Variants in THOC1 observed in about 807,000 individuals in gnomAD.
THOC1 encodes the protein THO complex subunit 1.
THOC1 carries 29 observed loss-of-function variants against 97.3 expected under a neutral mutation model. That is an observed-to-expected ratio of 0.30 (90% CI 0.22 to 0.41). The LOEUF is 0.41. Ranked by LOEUF, THOC1 falls within the 10% of genes least tolerant of loss-of-function variation. THOC1 has a pLI of 1.00. For missense variants in THOC1, 529 were observed against 761.9 expected (o/e 0.69, Z 3.60); for synonymous variants, 255 against 257.0 (o/e 0.99, Z 0.07).
chr18:260,041 AG>A (rs11355710), intron 5 of THOC1, 144 bp downstream of exon 5: 22,333 of 565,826 alleles, frequency 0.039, 2,598 homozygotes, highest in East Asian at 0.38. Flanking sequence ...GGCTCTCCCG[AG>A]AGAGCAGTAT....
intron 9 of THOC1, among the ~76,000 whole-genome samples, chr18:251,122 G>A (rs962794243): frequency 6.6e-6 from 1 of 152,040 alleles, no homozygotes; most frequent in African/African-American, 2.4e-5. Flanking sequence ...TCTGATCATC[G>A]TCTTATTTAA....
intron 9 of THOC1, among the ~76,000 whole-genome samples, chr18:249,636 T>A (rs1361100000): frequency 6.8e-6 from 1 of 147,664 alleles, no homozygotes; most frequent in African/African-American, 2.5e-5. Context: ...CACTCCAGCC[T>A]GGGTGACAGA....
chr18:232,289 G>A (rs1911511159), intron 11 of THOC1, among the ~76,000 whole-genome samples: 1 of 151,876 alleles, frequency 6.6e-6, no homozygotes, highest in Admixed American at 6.6e-5. Flanking sequence ...TAGAGATGGG[G>A]GTATCACTTT....
intron 7 of THOC1, among the ~76,000 whole-genome samples, chr18:255,629 T>C (rs1912414016): frequency 6.6e-6 from 1 of 152,186 alleles, no homozygotes; most frequent in South Asian, 2.1e-4. Flanking sequence ...AATGGAGAAG[T>C]TGCAGTAAGT....
intron 11 of THOC1, among the ~76,000 whole-genome samples, chr18:229,948 ACT>A (rs1311587278): frequency 1.3e-5 from 2 of 151,860 alleles, no homozygotes; most frequent in African/African-American, 4.8e-5. Context: ...CATTTCATAC[ACT>A]CTACAGTTTG....
chr18:233,090 C>T (rs775937353), intron 11 of THOC1, among the ~76,000 whole-genome samples: 8 of 152,166 alleles, frequency 5.3e-5, no homozygotes, highest in East Asian at 1.9e-4. Context: ...TTTTCCCTCA[C>T]AATTTGTGCT....
intron 4 of THOC1, 50 bp from the exon 5 acceptor site, chr18:260,354 G>A (rs1049351571): frequency 4.4e-6 from 5 of 1,143,706 alleles, no homozygotes; most frequent in South Asian, 3.5e-5. Context: ...CTGTAGAGTA[G>A]AATAGCCTAT....
chr18:265,485 A>G lies in THOC1; in HGVS notation c.100T>C (p.Leu34=). The G allele has an allele frequency of 6.3e-7, 1 of 1,597,890 alleles. No individual in the cohort carries two copies. The highest frequency in any genetic ancestry group is 1.7e-4 in the Middle Eastern group (1 of 5,964). ...CCAGGTACCTGGCTGAAGGTACTTAACAATGGCTTGATGTTTTTGTTGTTC... is the reference window on the plus strand; with the variant it reads ...CCAGGTACCTGGCTGAAGGTACTTAGCAATGGCTTGATGTTTTTGTTGTTC... The part of the protein sequence containing the change: ...ALNNKNIKPL[L]STFSQVPGSE... The change falls in exon 2 of 21, where the codon TTA becomes CTA. Residue 34 remains leucine (L), a synonymous_variant. Coordinates refer to ENST00000261600, the MANE Select transcript of THOC1 (RefSeq NM_005131.3).
At chr18:262,640 A>G (rs905357095) in intron 4 of THOC1, among the ~76,000 whole-genome samples, 1 of 152,228 alleles carries the variant, frequency 6.6e-6, no homozygotes, top group Non-Finnish European at 1.5e-5. Flanking sequence ...AAGGAATATT[A>G]CATTGTGGGA....
At chr18:248,639 C>T (rs546855649) in intron 9 of THOC1, among the ~76,000 whole-genome samples, 28 of 152,250 alleles carry the variant, frequency 1.8e-4, no homozygotes, top group African/African-American at 6.0e-4. Flanking sequence ...TGGTACATAT[C>T]AAGTTAGCAT....
chr18:267,819 C>G (rs758025430), intron 1 of THOC1, 147 bp downstream of exon 1: 38 of 839,874 alleles, frequency 4.5e-5, no homozygotes, highest in Non-Finnish European at 6.3e-5. Flanking sequence ...TTCCCTACCC[C>G]TCAACCTCCG....
intron 11 of THOC1, among the ~76,000 whole-genome samples, chr18:240,924 C>A (rs1911875174): frequency 6.6e-6 from 1 of 152,274 alleles, no homozygotes; most frequent in South Asian, 2.1e-4. Flanking sequence ...GCATTAGATT[C>A]TCATAAGGAG....
At chr18:247,378 T>C (rs537355819) in intron 10 of THOC1, among the ~76,000 whole-genome samples, 2 of 152,318 alleles carry the variant, frequency 1.3e-5, no homozygotes, top group East Asian at 3.9e-4. Flanking sequence ...TCAGGCTTTG[T>C]GGCCTTTATA....
rs1345893147 is a variant in THOC1, at chr18:214,817, T to TC, written c.1782dup (p.Lys595GlufsTer6). The TC allele has an allele frequency of 6.2e-7, 1 of 1,613,960 alleles. No homozygotes were observed. ...TCAATCTGCCTAATTTCTGAGTCTT[T>TC]CATTTCCAAGTAGGGAGCCAGAATC... On this transcript the variant is annotated frameshift_variant, in exon 21 of 21. Transcript: ENST00000261600. LOFTEE classifies it high-confidence loss of function.
intron 7 of THOC1, among the ~76,000 whole-genome samples, chr18:257,351 A>G (rs929098023): frequency 3.3e-5 from 5 of 152,240 alleles, no homozygotes; most frequent in Non-Finnish European, 7.3e-5. Flanking sequence ...ATAATGTATA[A>G]CAAATAAGTA....
At chr18:229,541 G>A (rs1055219572) in intron 11 of THOC1, among the ~76,000 whole-genome samples, 4 of 151,660 alleles carry the variant, frequency 2.6e-5, no homozygotes, top group Non-Finnish European at 5.9e-5. Context: ...AATTAGCGGG[G>A]CGTGGTGGTG....
intron 1 of THOC1, 56 bp downstream of exon 1, chr18:267,910 G>T: frequency 6.5e-7 from 1 of 1,529,844 alleles, no homozygotes; most frequent in East Asian, 2.4e-5. Context: ...ATTTCAGGGA[G>T]AAGAGGACAA....
intron 7 of THOC1, among the ~76,000 whole-genome samples, chr18:255,019 A>G (rs140914098): frequency 6.6e-6 from 1 of 152,128 alleles, no homozygotes; most frequent in Non-Finnish European, 1.5e-5. Flanking sequence ...GGCTTTTGCC[A>G]TGTTGCCTAA....
intron 17 of THOC1, among the ~76,000 whole-genome samples, chr18:220,220 C>A (rs1911031300): frequency 6.6e-6 from 1 of 152,172 alleles, no homozygotes; most frequent in South Asian, 2.1e-4. Context: ...GAACTGATTT[C>A]TTTAGGCACT....
Sources: allele counts gnomAD v4.1 joint callset (sites outside exome capture counted in the v4.1 genomes callset), GRCh38; gene constraint gnomAD v4.1.1; transcripts MANE v1.5; gene names NCBI Gene and HGNC (gene_info 2026-07-23, HGNC 2026-07-21).